NDUFV2: variants seen among roughly 807,000 people sequenced by gnomAD.
The protein encoded by NDUFV2 is NADH:ubiquinone oxidoreductase core subunit V2, also known as NADH dehydrogenase [ubiquinone] flavoprotein 2, mitochondrial.
A neutral mutation model predicts 31.6 loss-of-function variants in NDUFV2; 18 were observed. The observed-to-expected ratio is 0.57, with a 90% CI of 0.39 to 0.84. The LOEUF (loss-of-function observed/expected upper bound fraction) is 0.84. Among genes scored for constraint, NDUFV2 ranks in the 40% least tolerant of loss-of-function variants. The probability of loss-of-function intolerance (pLI) is 0.00; values close to 1 mark genes in which losing one functional copy is unlikely to be tolerated. For synonymous variants in NDUFV2, 83 were observed against 99.8 expected (o/e 0.83, Z 1.01); for missense variants, 314 against 303.6 (o/e 1.03, Z -0.26).
chr18:9,128,252 A>G (rs778523658), intron 7 of NDUFV2, among the ~76,000 whole-genome samples: 9 of 152,176 alleles, frequency 5.9e-5, no homozygotes, highest in Non-Finnish European at 1.2e-4. Context: ...CTTAAGCTTT[A>G]TTATAAATAA....
chr18:9,132,975 T>C (rs1390861063), intron 7 of NDUFV2, among the ~76,000 whole-genome samples: 1 of 152,252 alleles, frequency 6.6e-6, no homozygotes, highest in Non-Finnish European at 1.5e-5. Context: ...TTTCAGGCTC[T>C]TACAGTATAC....
In NDUFV2 at chr18:9,117,914, A is replaced by C; in HGVS notation, c.120+11A>C. 1.3e-6 allele frequency: 2 copies of C among 1,564,786 alleles called. No individual in the cohort carries two copies. The highest frequency in any genetic ancestry group is 1.8e-6 in the Non-Finnish European group (2 of 1,135,288). On this transcript the variant is annotated intron_variant, in intron 2 of 7. Transcript: ENST00000318388. ...GGAGCTTTATTTGTGGTAAGTAATT[A>C]CTTAGATTTCTTTGGAAAGAAAAGA...
chr18:9,113,691 T>C lies in NDUFV2; in HGVS notation c.55-4147T>C, dbSNP rs115363877. Among the ~76,000 whole-genome samples the C allele has an allele frequency of 5.9e-3, 894 of 152,348 alleles. 3 individuals are homozygous for C. Among genetic ancestry groups the C allele is most frequent in the African/African-American group, 0.02 (833 of 41,582 alleles). On this transcript the variant is annotated intron_variant, in intron 1 of 7. Transcript: ENST00000318388. ...GATCAACCCCTGACCTAATTGGTTA[T>C]TTATAGATTACAGACATTGTATAGA...
At chr18:9,116,303 A>G (rs7230155) in intron 1 of NDUFV2, among the ~76,000 whole-genome samples, 2,593 of 152,288 alleles carry the variant, frequency 0.017, 87 homozygotes, top group African/African-American at 0.059. Context: ...AGAAAATGTT[A>G]GTGTTCAGAA....
chr18:9,132,938 G>C (rs766403695), intron 7 of NDUFV2, among the ~76,000 whole-genome samples: 26 of 152,218 alleles, frequency 1.7e-4, no homozygotes, highest in Admixed American at 3.3e-4. Context: ...TTAAAGTTAA[G>C]TATCATTTTG....
intron 4 of NDUFV2, chr18:9,121,205 T>TTTA (rs2077932728): frequency 6.6e-6 from 1 of 152,192 alleles, no homozygotes; most frequent in African/African-American, 2.4e-5. Flanking sequence ...GGGACTTTTA[T>TTTA]TTTAATGTTA....
In NDUFV2 at chr18:9,120,586, A is replaced by G. The variant is rs540171664; in HGVS notation, c.300+996A>G. On this transcript the variant is annotated intron_variant, in intron 4 of 7. Transcript: ENST00000318388. ...TTCTGAGAGAATAGGAATGTCCTCA[A>G]TTTATCTAATAGAATCCTAAATGCA... 1.5e-3 allele frequency among the ~76,000 whole-genome samples: 231 copies of G among 152,294 alleles called. 1 individual carries two copies. The highest frequency in any genetic ancestry group is 0.01 in the Middle Eastern group (3 of 294).
chr18:9,116,183 A>G (rs1224331461), intron 1 of NDUFV2, among the ~76,000 whole-genome samples: 2 of 152,190 alleles, frequency 1.3e-5, no homozygotes, highest in African/African-American at 4.8e-5. Context: ...CATCACTGTC[A>G]AGTTAATGGA....
intron 1 of NDUFV2, chr18:9,103,159 G>A (rs2077823707): frequency 5.0e-6 from 2 of 401,090 alleles, no homozygotes; most frequent in Non-Finnish European, 8.8e-6. Flanking sequence ...GGCACCTCTC[G>A]TTTCAAGCCT....
chr18:9,117,900 T>A lies in NDUFV2; in HGVS notation c.117T>A (p.Phe39Leu). ...VMQNGAGGAL[F>L]VHRDTPENNP... is the part of the protein sequence containing the mutation. ...AAAATGGAGCTGGAGGAGCTTTATTTGTGGTAAGTAATTACTTAGATTTCT... is the reference window on the plus strand; with the variant it reads ...AAAATGGAGCTGGAGGAGCTTTATTAGTGGTAAGTAATTACTTAGATTTCT... Residue 39 changes from phenylalanine (F) to leucine (L), a missense_variant, in exon 2 of 8, where the codon TTT (phenylalanine) becomes TTA (leucine). Phe to Leu is a conservative substitution (Grantham distance 22). Coordinates refer to ENST00000318388, the MANE Select transcript of NDUFV2 (RefSeq NM_021074.5). The A allele has an allele frequency of 1.3e-6, 2 of 1,587,474 alleles. No homozygotes were observed. The highest frequency in any genetic ancestry group is 1.7e-6 in the Non-Finnish European group (2 of 1,155,880).
intron 4 of NDUFV2, among the ~76,000 whole-genome samples, chr18:9,121,797 C>T (rs2077937943): frequency 6.6e-6 from 1 of 152,150 alleles, no homozygotes; most frequent in Admixed American, 6.5e-5. Context: ...TAGTCCTGAA[C>T]ACCAGAATGT....
chr18:9,119,151 T>C (rs888807778), intron 2 of NDUFV2, among the ~76,000 whole-genome samples, 175 bp from the exon 3 acceptor site: 2 of 152,154 alleles, frequency 1.3e-5, no homozygotes, highest in African/African-American at 4.8e-5. Flanking sequence ...ACTTTGGTAA[T>C]CATACTTATC....
At chr18:9,131,811 T>C (rs898480579) in intron 7 of NDUFV2, among the ~76,000 whole-genome samples, 1 of 152,124 alleles carries the variant, frequency 6.6e-6, no homozygotes, top group Non-Finnish European at 1.5e-5. Context: ...AGATGGCATT[T>C]TAAGCATGAG....
chr18:9,127,017 C>A, intron 7 of NDUFV2, 110 bp downstream of exon 7: 1 of 872,450 alleles, frequency 1.1e-6, no homozygotes, highest in Non-Finnish European at 1.9e-6. Flanking sequence ...TTGGTAGGAG[C>A]TTTGGATAGT....
intron 4 of NDUFV2, 95 bp downstream of exon 4, chr18:9,119,685 G>C: frequency 1.8e-6 from 2 of 1,083,004 alleles, no homozygotes; most frequent in Non-Finnish European, 2.8e-6. Context: ...TCCAGTGTCA[G>C]AATCTAGGAT....
intron 7 of NDUFV2, 115 bp downstream of exon 7, chr18:9,127,022 G>GAT: frequency 1.2e-6 from 1 of 854,110 alleles, no homozygotes; most frequent in East Asian, 2.4e-5. Flanking sequence ...AGGAGCTTTG[G>GAT]ATAGTATTAT....
intron 2 of NDUFV2, among the ~76,000 whole-genome samples, 176 bp from the exon 3 acceptor site, chr18:9,119,150 A>G (rs574344578): frequency 3.9e-5 from 6 of 152,194 alleles, no homozygotes; most frequent in African/African-American, 1.4e-4. Flanking sequence ...TACTTTGGTA[A>G]TCATACTTAT....
At chr18:9,105,233 T>C (rs1405830048) in intron 1 of NDUFV2, among the ~76,000 whole-genome samples, 4 of 152,358 alleles carry the variant, frequency 2.6e-5, no homozygotes, top group South Asian at 2.1e-4. Flanking sequence ...TTAAAGATTA[T>C]TTACGCTTTC....
Position 9,134,207 on chromosome 18 carries a change from G to C in NDUFV2, c.678G>C (p.Glu226Asp), listed in dbSNP as rs1372175274. Residue 226 changes from glutamate (E) to aspartate (D), a missense_variant, in exon 8 of 8, where the codon GAG becomes GAC. Coordinates refer to ENST00000318388, the MANE Select transcript of NDUFV2 (RefSeq NM_021074.5). ...TCAGGAGTGGACGCTTCTCTTGTGA[G>C]CCAGCTGGAGGTCTTACCTCTTTGA... is the stretch of plus-strand genomic sequence containing the variant. ...PGPRSGRFSC[E>D]PAGGLTSLTE... The C allele has an allele frequency of 6.2e-7, 1 of 1,613,372 alleles. No homozygotes were observed. The highest frequency in any genetic ancestry group is 2.2e-5 in the East Asian group (1 of 44,858).
Sources: allele counts gnomAD v4.1 joint callset (sites outside exome capture counted in the v4.1 genomes callset), GRCh38; gene constraint gnomAD v4.1.1; transcripts MANE v1.5; gene names NCBI Gene and HGNC (gene_info 2026-07-23, HGNC 2026-07-21).